STXBP2: variants seen among roughly 807,000 people sequenced by gnomAD.
STXBP2 encodes syntaxin binding protein 2.
Under a neutral mutation model 72.2 loss-of-function variants are expected in STXBP2, and 47 were observed. That is an observed-to-expected ratio of 0.65 (90% CI 0.51 to 0.83). The LOEUF (loss-of-function observed/expected upper bound fraction) is 0.83. Ranked by LOEUF, STXBP2 falls within the 40% of genes least tolerant of loss-of-function variation. The pLI, the probability that STXBP2 is intolerant of heterozygous loss-of-function variation, is 0.00. For missense variants in STXBP2, 702 were observed against 807.6 expected, an observed-to-expected ratio of 0.87 and a Z score of 1.58; for synonymous variants, 367 against 338.7, an observed-to-expected ratio of 1.08 and a Z score of -0.92.
chr19:7,643,604 C>A (rs1357605727), intron 13 of STXBP2, among the ~76,000 whole-genome samples: 1 of 144,768 alleles, frequency 6.9e-6, no homozygotes, highest in African/African-American at 2.6e-5. Flanking sequence ...AGGAATGGAG[C>A]CTTGGAGAGG....
chr19:7,643,367 G>C (rs2031975503), intron 13 of STXBP2, 122 bp downstream of exon 13: 1 of 1,106,618 alleles, frequency 9.0e-7, no homozygotes, highest in Non-Finnish European at 1.3e-6. Flanking sequence ...GAGGTGGAGG[G>C]GCCTTGGAGA....
chr19:7,635,795 C>T (rs1427986320), upstream of STXBP2, among the ~76,000 whole-genome samples: 4 of 152,184 alleles, frequency 2.6e-5, no homozygotes, highest in Non-Finnish European at 4.4e-5. Flanking sequence ...CTCCTACCTA[C>T]GGTTGCCAAC....
the STXBP2 span, chr19:7,630,427 G>C: frequency 6.0e-6 from 4 of 661,508 alleles, no homozygotes; most frequent in Admixed American, 1.0e-4. Context: ...CGAGGTTTCT[G>C]TACCCTTGGT....
At chr19:7,634,394 C>T (rs1257598867), upstream of STXBP2, among the ~76,000 whole-genome samples, 1 of 152,242 alleles carries the variant, frequency 6.6e-6, no homozygotes, top group Non-Finnish European at 1.5e-5. Flanking sequence ...CGAGCCTCCT[C>T]TGTTCCACAA....
intron 15 of STXBP2, chr19:7,645,898 C>G: frequency 2.5e-6 from 1 of 397,530 alleles, no homozygotes; most frequent in Non-Finnish European, 4.4e-6. Flanking sequence ...CTCCCCTCTC[C>G]GTCCCCCTTC....
chr19:7,643,976 G>GT (rs1423539816), intron 13 of STXBP2, among the ~76,000 whole-genome samples: 3 of 149,600 alleles, frequency 2.0e-5, no homozygotes, highest in African/African-American at 7.4e-5. Flanking sequence ...GTGAGGCACG[G>GT]GGCCTTGGAG....
At position 7,638,736 on chromosome 19, in the gene STXBP2, C is replaced by T. The variant is rs138548712; in HGVS notation, c.48C>T (p.Ser16=). Residue 16 remains serine (S), a synonymous_variant, in exon 2 of 19, where the codon AGC becomes AGT. Coordinates refer to ENST00000221283, the MANE Select transcript of STXBP2 (RefSeq NM_006949.4). ...CTCCCTTCCCTGCAGAAATTCTGAG[C>T]GGAGTTATTCGGAGTGTCAAGAAGG... The part of the protein sequence containing the change: ...LKAVVGEKIL[S]GVIRSVKKDG... 26 of 1,613,886 alleles carry T rather than the reference C, an allele frequency of 1.6e-5. No individual in the cohort carries two copies. Among genetic ancestry groups the T allele is most frequent in the African/African-American group, 4.0e-5 (3 of 74,872 alleles).
the STXBP2 span, chr19:7,631,297 A>G: frequency 7.1e-7 from 1 of 1,413,172 alleles, no homozygotes; most frequent in Non-Finnish European, 9.2e-7. Flanking sequence ...TGGAAGAGTG[A>G]AGCGGATCCC....
At chr19:7,639,431 A>G (rs2031698395) in intron 3 of STXBP2, 4 of 573,730 alleles carry the variant, frequency 7.0e-6, no homozygotes, top group East Asian at 6.0e-5. Flanking sequence ...AGAGCCTTCT[A>G]TGGGTGACCC....
At chr19:7,639,401 A>T in intron 3 of STXBP2, 1 of 579,948 alleles carries the variant, frequency 1.7e-6, no homozygotes. Flanking sequence ...TGGACTCTGG[A>T]TGTGGGGTCC....
intron 14 of STXBP2, 55 bp from the exon 15 acceptor site, chr19:7,645,142 A>G: frequency 6.5e-7 from 1 of 1,536,244 alleles, no homozygotes; most frequent in Admixed American, 2.0e-5. Flanking sequence ...AAACTCCCCT[A>G]AACCTGGGAG....
At chr19:7,645,507 T>C in intron 15 of STXBP2, 1 of 575,488 alleles carries the variant, frequency 1.7e-6, no homozygotes, top group African/African-American at 1.9e-5. Flanking sequence ...GCTTACACAA[T>C]AGGCAGGGGA....
At position 7,642,851 on chromosome 19, in the gene STXBP2, CGCTGGTGGAAGGAA is replaced by C; in HGVS notation, c.960+31_960+44del. On this transcript the variant is annotated intron_variant, in intron 11 of 18. Coordinates refer to ENST00000221283, the MANE Select transcript of STXBP2 (RefSeq NM_006949.4). The surrounding 1 kb of genome is among the most constrained non-coding windows in gnomAD (Gnocchi z 6.0). ...AGGGGCGGACCCAGGTCACCAAAGG[CGCTGGTGGAAGGAA>C]GCCCCCCTCCCCATGGGCGCAGGGC... 1.2e-5 allele frequency: 20 copies of C among 1,614,036 alleles called. No individual in the cohort carries two copies. Among genetic ancestry groups the C allele is most frequent in the Non-Finnish European group, 1.7e-5 (20 of 1,179,964 alleles).
chr19:7,632,776 C>T (rs139180721), upstream of STXBP2: 297 of 1,566,706 alleles, frequency 1.9e-4, 2 homozygotes, highest in East Asian at 4.5e-3. This position sits in a 1 kb window ranked among gnomAD's most constrained non-coding sequence, Gnocchi z 5.2. Flanking sequence ...TCCATCCGGT[C>T]GCCCTGCACG....
chr19:7,644,059 G>A, intron 13 of STXBP2, among the ~76,000 whole-genome samples: 1 of 148,772 alleles, frequency 6.7e-6, no homozygotes, highest in Non-Finnish European at 1.5e-5. Context: ...TTGGAGAGGT[G>A]GGACCTGGGT....
At chr19:7,631,364 G>A in the STXBP2 span, 8 of 1,380,724 alleles carry the variant, frequency 5.8e-6, no homozygotes, top group Non-Finnish European at 7.6e-6. Flanking sequence ...GAACCCTGAA[G>A]CCGTGGTCTG....
chr19:7,633,025 C>T (rs1346362055), upstream of STXBP2: 86 of 1,429,284 alleles, frequency 6.0e-5, no homozygotes, highest in African/African-American at 7.2e-5. Flanking sequence ...TCCCGGCCCC[C>T]GCCCCAGGGG....
intron 4 of STXBP2, chr19:7,640,391 C>CATGTGTGTAT (rs1368201805): frequency 4.6e-5 from 26 of 568,982 alleles, no homozygotes; most frequent in Admixed American, 4.2e-4. Flanking sequence ...TCAGTGTCTG[C>CATGTGTGTAT]ATGTGTGTAT....
In STXBP2 at chr19:7,646,698, T is replaced by G; in HGVS notation, c.1452+354T>G. 3 of 406,196 alleles carry G rather than the reference T, an allele frequency of 7.4e-6. No individual in the cohort carries two copies. In the East Asian group the frequency reaches 1.5e-4, roughly 21 times the overall value. The allele number at this position is 406,196 out of a possible 1,614,324, so 25.2% of individuals were successfully genotyped here. A position where few individuals can be genotyped will look rare whatever the true frequency, so the allele number is the denominator to read the frequency against. On this transcript the variant is annotated intron_variant, in intron 16 of 18. Transcript: ENST00000221283. ...TGGCAATGGGCCTGGGGCGGCTTCC[T>G]GGCTTCCTCCTTGTCCCTCTAAGAG...
Sources: allele counts gnomAD v4.1 joint callset (sites outside exome capture counted in the v4.1 genomes callset), GRCh38; gene constraint gnomAD v4.1.1; non-coding constraint Gnocchi (gnomAD v3.1); transcripts MANE v1.5; gene names NCBI Gene and HGNC (gene_info 2026-07-23, HGNC 2026-07-21).